The following CAMTA1 variants were observed in gnomAD, a reference collection of about 807,000 sequenced individuals.
CAMTA1 encodes the protein calmodulin binding transcription activator 1, also known as calmodulin-binding transcription activator 1.
Under a neutral mutation model 170.9 loss-of-function variants are expected in CAMTA1, and 27 were observed. The ratio of observed to expected loss-of-function variants is 0.16; its 90% CI spans 0.12 to 0.22. The LOEUF is 0.22. CAMTA1 is among the 10% of genes least tolerant of loss of function. The probability of loss-of-function intolerance (pLI) is 1.00; values close to 1 mark genes in which losing one functional copy is unlikely to be tolerated. For synonymous variants in CAMTA1, 833 were observed against 891.5 expected, an observed-to-expected ratio of 0.93 and a Z score of 1.17; for missense variants, 1,619 against 2,217.2, an observed-to-expected ratio of 0.73 and a Z score of 5.42.
chr1:6,871,659 G>T, intron 3 of CAMTA1: 1 of 1,038,152 alleles, frequency 9.6e-7, no homozygotes, highest in Non-Finnish European at 1.4e-6. Flanking sequence ...ACGACATCAG[G>T]AATGATGGGG....
chr1:7,116,947 C>T (rs973244849), intron 4 of CAMTA1, among the ~76,000 whole-genome samples: 5 of 150,620 alleles, frequency 3.3e-5, no homozygotes, highest in Non-Finnish European at 4.4e-5. Flanking sequence ...CCACTGCGCC[C>T]GGCCAACTTA....
chr1:7,767,843 C>CAA lies in CAMTA1; in HGVS notation c.*1364_*1365dup, dbSNP rs34335657. 0.77 allele frequency: 104,250 copies of CAA among 136,182 alleles called. 39,993 individuals carry two copies. Among genetic ancestry groups the CAA allele is most frequent in the East Asian group, 0.94 (4,509 of 4,822 alleles). 8.4% of individuals were successfully genotyped at this position (136,182 alleles called of 1,614,324 possible). On this transcript the variant is annotated 3_prime_UTR_variant, in exon 23 of 23. Transcript: ENST00000303635. ...ATTTTGCTAAAGCATGACTAAACTG[C>CAA]AAAAAAAAAAAAAGAGCTACTGTAT...
chr1:6,882,952 G>A (rs747741135), intron 3 of CAMTA1, among the ~76,000 whole-genome samples: 31 of 152,120 alleles, frequency 2.0e-4, no homozygotes, highest in Non-Finnish European at 4.4e-5. Context: ...GAGACAGAAT[G>A]TCCCTCTGGT....
At chr1:6,803,891 T>C (rs929156396) in intron 1 of CAMTA1, among the ~76,000 whole-genome samples, 7 of 152,052 alleles carry the variant, frequency 4.6e-5, no homozygotes, top group Non-Finnish European at 1.0e-4. Flanking sequence ...ATTAAAATTT[T>C]TTTTTTTTTG....
At chr1:7,735,463 AAAAG>A (rs972994201) in intron 12 of CAMTA1, among the ~76,000 whole-genome samples, 2 of 151,892 alleles carry the variant, frequency 1.3e-5, no homozygotes, top group Non-Finnish European at 2.9e-5. Flanking sequence ...AAAAAAAGAA[AAAAG>A]AAGAAGAAGA....
chr1:6,836,842 C>T (rs1015852768), intron 3 of CAMTA1, among the ~76,000 whole-genome samples: 5 of 152,056 alleles, frequency 3.3e-5, no homozygotes, highest in Non-Finnish European at 7.4e-5. Context: ...AGCAGCTGTT[C>T]AGAGGGGCTG....
chr1:6,873,155 C>G (rs538767092), intron 3 of CAMTA1, among the ~76,000 whole-genome samples: 10 of 152,046 alleles, frequency 6.6e-5, no homozygotes, highest in Admixed American at 6.6e-4. Flanking sequence ...CTGAGAAATA[C>G]AAATAGGTAA....
At chr1:7,601,902 C>T (rs1316916965) in intron 6 of CAMTA1, among the ~76,000 whole-genome samples, 2 of 151,354 alleles carry the variant, frequency 1.3e-5, no homozygotes, top group African/African-American at 4.9e-5. Flanking sequence ...TACAGTCCAG[C>T]TTTGGCTCGG....
chr1:6,808,865 C>T (rs1335322396), intron 1 of CAMTA1, among the ~76,000 whole-genome samples: 1 of 151,960 alleles, frequency 6.6e-6, no homozygotes, highest in Admixed American at 6.6e-5. Context: ...CACACACATG[C>T]AATTTTGTGA....
At chr1:7,507,476 C>T (rs753964496) in intron 6 of CAMTA1, among the ~76,000 whole-genome samples, 67 of 152,342 alleles carry the variant, frequency 4.4e-4, no homozygotes, top group Non-Finnish European at 8.7e-4. Context: ...CTTTCTCTCT[C>T]ATCTTTGGCA....
intron 5 of CAMTA1, among the ~76,000 whole-genome samples, chr1:7,304,153 G>A (rs1294418880): frequency 1.3e-5 from 2 of 152,114 alleles, no homozygotes; most frequent in African/African-American, 2.4e-5. Flanking sequence ...GGCAATGATT[G>A]CACAACAATG....
intron 11 of CAMTA1, among the ~76,000 whole-genome samples, chr1:7,710,605 A>G (rs2096562804): frequency 2.1e-5 from 3 of 145,562 alleles, no homozygotes; most frequent in African/African-American, 5.0e-5. Context: ...TGTCTCAAAA[A>G]AAAAAAAAAA....
chr1:7,258,706 G>A (rs17030643), intron 5 of CAMTA1, among the ~76,000 whole-genome samples: 10,392 of 152,260 alleles, frequency 0.068, 1,155 homozygotes, highest in African/African-American at 0.23. Context: ...TCACTTGACT[G>A]AATCATCAAA....
rs542777572 is a variant in CAMTA1, at chr1:7,192,062, C to G, written c.303-57429C>G. Among the ~76,000 whole-genome samples, 15 of 152,292 alleles carry G rather than the reference C, an allele frequency of 9.8e-5. No individual in the cohort carries two copies. In the East Asian group the frequency reaches 2.9e-3, roughly 29 times the overall value. ...GGTGGGGGAATAGTGTCATCTTTTG[C>G]TAGGAGCTATTGGACACATCTGAGA... On this transcript the variant is annotated intron_variant, in intron 4 of 22. Transcript: ENST00000303635.
chr1:7,654,899 T>C (rs1305677152), intron 7 of CAMTA1, among the ~76,000 whole-genome samples: 3 of 113,078 alleles, frequency 2.7e-5, no homozygotes, highest in Non-Finnish European at 5.3e-5. Flanking sequence ...CAAATACATC[T>C]ATACACCCAC....
intron 3 of CAMTA1, among the ~76,000 whole-genome samples, chr1:6,961,958 C>G (rs1480730838): frequency 3.3e-5 from 5 of 152,204 alleles, no homozygotes; most frequent in Non-Finnish European, 7.3e-5. Context: ...GCATCTCTCC[C>G]CGGCGGCCAG....
chr1:7,000,102 G>T (rs776134696), intron 3 of CAMTA1, among the ~76,000 whole-genome samples: 13 of 152,224 alleles, frequency 8.5e-5, no homozygotes, highest in South Asian at 4.1e-4. Flanking sequence ...TGGTGCTTCT[G>T]CTCTTCTGTG....
chr1:7,230,151 G>C (rs976129600), intron 4 of CAMTA1, among the ~76,000 whole-genome samples: 2 of 152,072 alleles, frequency 1.3e-5, no homozygotes, highest in Non-Finnish European at 2.9e-5. Context: ...GCCTGGCCTG[G>C]CTCCTGGCCC....
At chr1:7,373,605 C>T (rs535369297) in intron 5 of CAMTA1, among the ~76,000 whole-genome samples, 2 of 152,350 alleles carry the variant, frequency 1.3e-5, no homozygotes, top group South Asian at 4.1e-4. Context: ...AAACCCAAAA[C>T]AATGATCACC....
Sources: gnomAD v4.1 joint callset for allele counts (sites outside exome capture counted in the v4.1 genomes callset) on GRCh38, gnomAD v4.1.1 for gene constraint, MANE v1.5 for transcripts, NCBI Gene and HGNC (gene_info 2026-07-23, HGNC 2026-07-21) for gene names.